The following SH3PXD2A variants were observed in gnomAD, a reference collection of about 807,000 sequenced individuals.
The protein encoded by SH3PXD2A is SH3 and PX domain-containing protein 2A.
Under a neutral mutation model 115.2 loss-of-function variants are expected in SH3PXD2A, and 32 were observed. The ratio of observed to expected loss-of-function variants is 0.28; its 90% CI spans 0.21 to 0.37. The LOEUF (loss-of-function observed/expected upper bound fraction) is 0.37. Among genes scored for constraint, SH3PXD2A ranks in the 10% least tolerant of loss-of-function variants. The probability of loss-of-function intolerance (pLI) is 1.00; values close to 1 mark genes in which losing one functional copy is unlikely to be tolerated. For synonymous variants in SH3PXD2A, 610 were observed against 629.1 expected (o/e 0.97, Z 0.45); for missense variants, 1,328 against 1,498.7 (o/e 0.89, Z 1.88).
At chr10:103,644,119 A>C (rs1247509272) in intron 8 of SH3PXD2A, among the ~76,000 whole-genome samples, 8 of 84,838 alleles carry the variant, frequency 9.4e-5, no homozygotes, top group East Asian at 3.6e-4. Context: ...CATCCCAAAA[A>C]AAAAAAAAAA....
In SH3PXD2A at chr10:103,600,175, A is replaced by G. The variant is rs1375392325; in HGVS notation, c.*1641T>C. On this transcript the variant is annotated 3_prime_UTR_variant, in exon 15 of 15. Coordinates refer to ENST00000369774, the MANE Select transcript of SH3PXD2A (RefSeq NM_001394015.1). ...GGCTGTGAGGCCCAATCTGTCCGAA[A>G]TCAAAGGCACGTGTGGAAATCCACT... 6.5e-6 allele frequency: 1 copy of G among 152,702 alleles called. No homozygotes were observed. The highest frequency in any genetic ancestry group is 1.5e-5 in the Non-Finnish European group (1 of 68,104). 9.5% of individuals were successfully genotyped at this position (152,702 alleles called of 1,614,324 possible). A position where few individuals can be genotyped will look rare whatever the true frequency, so the allele number is the denominator to read the frequency against.
intron 2 of SH3PXD2A, among the ~76,000 whole-genome samples, chr10:103,778,276 G>A (rs1294855149): frequency 1.3e-5 from 2 of 152,188 alleles, no homozygotes; most frequent in African/African-American, 2.4e-5. Flanking sequence ...AGTTTGCAGT[G>A]AACCGAGATC....
Position 103,756,899 on chromosome 10 carries a change from C to T in SH3PXD2A, c.229+10195G>A, listed in dbSNP as rs1009036221. 3.9e-5 allele frequency among the ~76,000 whole-genome samples: 6 copies of T among 152,276 alleles called. No homozygotes were observed. Among genetic ancestry groups the T allele is most frequent in the African/African-American group, 1.4e-4 (6 of 41,574 alleles). Reference sequence around the variant, plus strand: ...GCTGGTCTCCTCTGCTCCGTGCAAGCTCCCGCCAGCCCCTTCTCCAGACTC... The same window carrying T: ...GCTGGTCTCCTCTGCTCCGTGCAAGTTCCCGCCAGCCCCTTCTCCAGACTC... On this transcript the variant is annotated intron_variant, in intron 3 of 14. Coordinates refer to ENST00000369774, the MANE Select transcript of SH3PXD2A (RefSeq NM_001394015.1). The surrounding 1 kb of genome is among the most constrained non-coding windows in gnomAD (Gnocchi z 4.4).
At chr10:103,724,218 G>T in intron 5 of SH3PXD2A, 52 bp downstream of exon 5, 1 of 1,027,676 alleles carries the variant, frequency 9.7e-7, no homozygotes. Context: ...GCTGGCCATT[G>T]CTTTAGCCCA....
intron 6 of SH3PXD2A, among the ~76,000 whole-genome samples, chr10:103,691,402 C>T (rs1295105463): frequency 6.6e-6 from 1 of 152,104 alleles, no homozygotes; most frequent in East Asian, 1.9e-4. Flanking sequence ...TCACACAGAG[C>T]CAGAATTTGA....
chr10:103,657,221 C>A (rs1049247256), intron 8 of SH3PXD2A, among the ~76,000 whole-genome samples: 1 of 151,970 alleles, frequency 6.6e-6, no homozygotes, highest in Non-Finnish European at 1.5e-5. Context: ...AAAGGTGAGG[C>A]AGGAAAAATT....
chr10:103,785,166 C>T (rs191630652), intron 2 of SH3PXD2A, among the ~76,000 whole-genome samples: 74 of 152,352 alleles, frequency 4.9e-4, no homozygotes, highest in African/African-American at 1.6e-3. Context: ...CCTACCTGAC[C>T]TGGATCGCTG....
intron 2 of SH3PXD2A, 71 bp from the exon 3 acceptor site, chr10:103,767,240 C>A: frequency 8.8e-7 from 1 of 1,134,690 alleles, no homozygotes; most frequent in South Asian, 1.3e-5. Context: ...CTTCCCCACT[C>A]ACTCCACTGC....
intron 1 of SH3PXD2A, among the ~76,000 whole-genome samples, chr10:103,818,424 G>C (rs952321681): frequency 2.0e-5 from 3 of 152,212 alleles, no homozygotes; most frequent in African/African-American, 7.2e-5. Context: ...GGCTGGTTAA[G>C]GAGAAAGGCT....
intron 5 of SH3PXD2A, among the ~76,000 whole-genome samples, chr10:103,720,695 G>T (rs949272206): frequency 1.3e-5 from 2 of 152,256 alleles, no homozygotes; most frequent in Non-Finnish European, 2.9e-5. Context: ...TATGTTCTAG[G>T]CTGGAGGGAA....
chr10:103,709,310 T>G (rs1372170149), intron 5 of SH3PXD2A, among the ~76,000 whole-genome samples: 1 of 152,134 alleles, frequency 6.6e-6, no homozygotes, highest in Non-Finnish European at 1.5e-5. Context: ...ATCCTGGTGC[T>G]AATCCAGTTT....
chr10:103,602,322 C>T lies in SH3PXD2A; in HGVS notation c.2896G>A (p.Val966Met). The change falls in exon 15 of 15, where the codon GTG becomes ATG. Residue 966 changes from valine to methionine, a missense_variant. Transcript: ENST00000369774. Reference protein sequence around the residue: ...GFGKTSGTPAVKMRNGVRQVA... With the variant: ...GFGKTSGTPAMKMRNGVRQVA... ...TGCCGCACTCCGTTCCTCATCTTCA[C>T]CGCTGGAGTGCCTGAGGTCTTGCCG... 1 of 1,613,710 alleles carries T rather than the reference C, an allele frequency of 6.2e-7. No individual in the cohort carries two copies. Among genetic ancestry groups the T allele is most frequent in the South Asian group, 1.1e-5 (1 of 90,988 alleles).
intron 8 of SH3PXD2A, among the ~76,000 whole-genome samples, chr10:103,631,720 C>A (rs1163662911): frequency 6.6e-6 from 1 of 152,158 alleles, no homozygotes; most frequent in Non-Finnish European, 1.5e-5. Context: ...GATGTAACCC[C>A]CAAGAATCCC....
rs532553355 is a variant in SH3PXD2A, at chr10:103,767,691, C to A, written c.154-522G>T. ...TTGCAAAACCAAATCCATCCCATTG[C>A]CCCTGCTGCCGGAAGACCATTCCTC... On this transcript the variant is annotated intron_variant, in intron 2 of 14. Coordinates refer to ENST00000369774, the MANE Select transcript of SH3PXD2A (RefSeq NM_001394015.1). Among the ~76,000 whole-genome samples, 48 of 149,180 alleles carry A rather than the reference C, an allele frequency of 3.2e-4. No homozygotes were observed. In the South Asian group the frequency reaches 5.6e-3, roughly 17 times the overall value.
intron 2 of SH3PXD2A, among the ~76,000 whole-genome samples, chr10:103,789,952 A>T (rs767948194): frequency 1.1e-4 from 17 of 152,072 alleles, no homozygotes; most frequent in Non-Finnish European, 1.8e-4. Context: ...TGTGCAGGAG[A>T]TGTGGGCTGA....
chr10:103,725,529 G>A (rs1483247902), intron 4 of SH3PXD2A, among the ~76,000 whole-genome samples: 1 of 152,100 alleles, frequency 6.6e-6, no homozygotes, highest in African/African-American at 2.4e-5. Flanking sequence ...ACTAGGTCAG[G>A]AGGTAGTCAG....
At chr10:103,660,898 T>TGGGGGAG in intron 8 of SH3PXD2A, 85 bp downstream of exon 8, 1 of 1,390,006 alleles carries the variant, frequency 7.2e-7, no homozygotes, top group Non-Finnish European at 1.0e-6. Flanking sequence ...GCTGCAGCGG[T>TGGGGGAG]GGGGGAGGAG....
chr10:103,780,351 G>C (rs942868219), intron 2 of SH3PXD2A, among the ~76,000 whole-genome samples: 2 of 152,182 alleles, frequency 1.3e-5, no homozygotes, highest in Admixed American at 6.5e-5. Flanking sequence ...GGGTCAAGGT[G>C]CCCATAGGTC....
intron 3 of SH3PXD2A, among the ~76,000 whole-genome samples, chr10:103,737,297 G>C (rs895519968): frequency 6.6e-6 from 1 of 152,160 alleles, no homozygotes; most frequent in Non-Finnish European, 1.5e-5. Context: ...TTCATAACTT[G>C]AATTAAAGGA....
Sources: allele counts gnomAD v4.1 joint callset (sites outside exome capture counted in the v4.1 genomes callset), GRCh38; gene constraint gnomAD v4.1.1; non-coding constraint Gnocchi (gnomAD v3.1); transcripts MANE v1.5; gene names NCBI Gene and HGNC (gene_info 2026-07-23, HGNC 2026-07-21).